Variants in TEX12 observed in about 807,000 individuals in gnomAD.
TEX12 encodes testis expressed 12.
In TEX12, 7 loss-of-function variants were observed where a neutral mutation model predicts 14.6. The ratio of observed to expected loss-of-function variants is 0.48; its 90% CI spans 0.27 to 0.90. The LOEUF is 0.90. Among genes scored for constraint, TEX12 ranks in the 40% least tolerant of loss-of-function variants. The pLI is 0.12. For missense variants in TEX12, 121 were observed against 135.7 expected, an observed-to-expected ratio of 0.89 and a Z score of 0.54; for synonymous variants, 57 against 49.1, an observed-to-expected ratio of 1.16 and a Z score of -0.67.
chr11:112,168,038 C>G (rs568549710), intron 1 of TEX12, among the ~76,000 whole-genome samples: 2 of 152,254 alleles, frequency 1.3e-5, no homozygotes, highest in East Asian at 1.9e-4. Flanking sequence ...TATTACAGCA[C>G]GTAAACTTAC....
At chr11:112,167,865 T>C (rs1198327046) in intron 1 of TEX12, among the ~76,000 whole-genome samples, 1 of 152,018 alleles carries the variant, frequency 6.6e-6, no homozygotes, top group Non-Finnish European at 1.5e-5. Flanking sequence ...TGCACAGTGT[T>C]ACTTGGGGAG....
chr11:112,171,920 A>G lies in TEX12; in HGVS notation c.*4A>G, dbSNP rs769391393. ...TGCAAACACATTACACAGATAAAAT[A>G]TATACTTGAAATAAGCTGAGAATTT... On this transcript the variant is annotated 3_prime_UTR_variant, in exon 5 of 5. Coordinates refer to ENST00000280358, the MANE Select transcript of TEX12 (RefSeq NM_031275.4). 4.1e-6 allele frequency: 6 copies of G among 1,475,206 alleles called. No homozygotes were observed. Among genetic ancestry groups the G allele is most frequent in the Admixed American group, 2.5e-5 (1 of 40,494 alleles). The allele number at this position is 1,475,206 out of a possible 1,614,324, so 91.4% of individuals were successfully genotyped here.
At chr11:112,168,038 C>T (rs568549710) in intron 1 of TEX12, among the ~76,000 whole-genome samples, 3 of 152,136 alleles carry the variant, frequency 2.0e-5, no homozygotes, top group African/African-American at 2.4e-5. Context: ...TATTACAGCA[C>T]GTAAACTTAC....
chr11:112,172,097 A>G lies in TEX12; in HGVS notation c.*181A>G, dbSNP rs1309315887. The G allele has an allele frequency of 1.4e-5, 5 of 355,908 alleles. No individual in the cohort carries two copies. Among genetic ancestry groups the G allele is most frequent in the African/African-American group, 2.1e-5 (1 of 47,328 alleles). The allele number at this position is 355,908 out of a possible 1,614,324, so 22.0% of individuals were successfully genotyped here. A position where few individuals can be genotyped will look rare whatever the true frequency, so the allele number is the denominator to read the frequency against. ...TTTAAATTCCTTAATGTTAATATTA[A>G]TGTTCATGTTAATGTCCTAAGCTGG... On this transcript the variant is annotated 3_prime_UTR_variant, in exon 5 of 5. Transcript: ENST00000280358.
intron 1 of TEX12, 59 bp downstream of exon 1, chr11:112,167,546 G>T (rs1359216859): frequency 6.6e-6 from 1 of 152,590 alleles, no homozygotes; most frequent in Admixed American, 6.5e-5. Context: ...ACAGTAGGGA[G>T]GAAGTGCGGA....
At chr11:112,170,885 C>G (rs535606068) in intron 4 of TEX12, among the ~76,000 whole-genome samples, 19 of 152,168 alleles carry the variant, frequency 1.2e-4, no homozygotes, top group African/African-American at 4.6e-4. Flanking sequence ...CTTTTTTACT[C>G]TTGCCAAGCT....
chr11:112,170,584 T>A (rs779943549), intron 3 of TEX12, 39 bp from the exon 4 acceptor site: 3 of 1,594,410 alleles, frequency 1.9e-6, no homozygotes, highest in Non-Finnish European at 2.6e-6. Context: ...TGCAGAAGGT[T>A]TGTTATATTT....
chr11:112,168,093 T>C (rs1866747837), intron 1 of TEX12, among the ~76,000 whole-genome samples: 1 of 152,228 alleles, frequency 6.6e-6, no homozygotes, highest in Non-Finnish European at 1.5e-5. Context: ...CGATACAGAA[T>C]TTACTTAACA....
rs766492211 is a variant in TEX12, at chr11:112,171,811, A to G, written c.267A>G (p.Ile89Met). The change falls in exon 5 of 5, where the codon ATA (isoleucine) becomes ATG (methionine). Residue 89 changes from isoleucine (I) to methionine (M), a missense_variant. Physicochemically the swap from Ile to Met is conservative, Grantham distance 10. Coordinates refer to ENST00000280358, the MANE Select transcript of TEX12 (RefSeq NM_031275.4). Reference protein sequence around the residue: ...AAVDASYIDEIDELFKEANAI... With the variant: ...AAVDASYIDEMDELFKEANAI... ...TAGATGCATCTTACATTGATGAGAT[A>G]GATGAACTCTTCAAAGAAGCCAATG... 3 of 1,591,182 alleles carry G rather than the reference A, an allele frequency of 1.9e-6. No individual in the cohort carries two copies. In the Admixed American group the frequency reaches 5.4e-5, roughly 29 times the overall value.
chr11:112,170,763 A>AATT, intron 4 of TEX12, 89 bp downstream of exon 4: 1 of 1,003,514 alleles, frequency 1.0e-6, no homozygotes, highest in South Asian at 1.5e-5. Context: ...GTGGCTGCCA[A>AATT]ACCTCTCCAG....
chr11:112,171,671 C>A, intron 4 of TEX12, 101 bp from the exon 5 acceptor site: 1 of 751,958 alleles, frequency 1.3e-6, no homozygotes, highest in Non-Finnish European at 2.0e-6. Flanking sequence ...GCACATAAAG[C>A]CATTTAAATG....
intron 1 of TEX12, among the ~76,000 whole-genome samples, chr11:112,168,431 A>C (rs563123654): frequency 5.9e-5 from 9 of 151,902 alleles, no homozygotes; most frequent in African/African-American, 2.2e-4. Context: ...AATTTAGCTC[A>C]GTCTTACTGG....
At chr11:112,169,151 CT>C in intron 1 of TEX12, 101 bp from the exon 2 acceptor site, 1 of 761,096 alleles carries the variant, frequency 1.3e-6, no homozygotes, top group Non-Finnish European at 2.3e-6. Context: ...TAATGACAGT[CT>C]AAATTAACAT....
At chr11:112,168,829 G>A (rs1356179726) in intron 1 of TEX12, among the ~76,000 whole-genome samples, 1 of 152,174 alleles carries the variant, frequency 6.6e-6, no homozygotes, top group East Asian at 1.9e-4. Context: ...TGGGATTACA[G>A]CCGTGAGCCA....
At chr11:112,169,861 T>G (rs1866770382) in intron 2 of TEX12, among the ~76,000 whole-genome samples, 1 of 152,198 alleles carries the variant, frequency 6.6e-6, no homozygotes, top group Non-Finnish European at 1.5e-5. Flanking sequence ...CAACAGGAGT[T>G]TAAAACCACA....
At chr11:112,171,348 C>T (rs45569233) in intron 4 of TEX12, among the ~76,000 whole-genome samples, 58,262 of 151,664 alleles carry the variant, frequency 0.38, 11,459 homozygotes, top group South Asian at 0.6. Flanking sequence ...GTGGGGGATT[C>T]TGGAACCAAT....
At chr11:112,170,246 C>T in intron 2 of TEX12, 173 bp from the exon 3 acceptor site, 1 of 502,630 alleles carries the variant, frequency 2.0e-6, no homozygotes, top group Non-Finnish European at 3.5e-6. Context: ...CAAGGTGTTT[C>T]TTGGGCCTGT....
chr11:112,169,554 G>A (rs921894166), intron 2 of TEX12, among the ~76,000 whole-genome samples: 7 of 152,172 alleles, frequency 4.6e-5, no homozygotes, highest in Non-Finnish European at 7.3e-5. Flanking sequence ...TTGGTAGCTT[G>A]AGATCTAGAG....
intron 1 of TEX12, among the ~76,000 whole-genome samples, chr11:112,168,873 G>A (rs774928645): frequency 6.6e-6 from 1 of 152,172 alleles, no homozygotes; most frequent in Non-Finnish European, 1.5e-5. Flanking sequence ...AATCTTAACT[G>A]AGCCAGTCCT....
Sources: allele counts gnomAD v4.1 joint callset (sites outside exome capture counted in the v4.1 genomes callset), GRCh38; gene constraint gnomAD v4.1.1; transcripts MANE v1.5; gene names NCBI Gene and HGNC (gene_info 2026-07-23, HGNC 2026-07-21).